COLEC12: variants seen among roughly 807,000 people sequenced by gnomAD.
The protein encoded by COLEC12 is collectin-12.
COLEC12 carries 33 observed loss-of-function variants against 71.1 expected under a neutral mutation model. The observed-to-expected ratio is 0.46, with a 90% confidence interval of 0.35 to 0.62. The LOEUF is 0.62. Among genes scored for constraint, COLEC12 ranks in the 20% least tolerant of loss-of-function variants. COLEC12 has a pLI of 0.00. For missense variants in COLEC12, 765 were observed against 916.1 expected (o/e 0.84, Z 2.13); for synonymous variants, 350 against 353.0 (o/e 0.99, Z 0.10).
intron 1 of COLEC12, among the ~76,000 whole-genome samples, chr18:487,480 A>T (rs897612521): frequency 6.6e-6 from 1 of 152,236 alleles, no homozygotes; most frequent in African/African-American, 2.4e-5. Context: ...ATGTGAAAAA[A>T]AGAGAAGGAG....
intron 2 of COLEC12, among the ~76,000 whole-genome samples, chr18:368,536 T>C (rs1370666522): frequency 1.3e-5 from 2 of 151,608 alleles, no homozygotes; most frequent in East Asian, 2.0e-4. Context: ...ATCCCACCAG[T>C]ACTCTCCAGC....
intron 2 of COLEC12, among the ~76,000 whole-genome samples, chr18:479,211 G>A (rs995476939): frequency 6.6e-6 from 1 of 152,152 alleles, no homozygotes; most frequent in Non-Finnish European, 1.5e-5. Flanking sequence ...TCCCCCCCGG[G>A]AAAGAACACA....
chr18:472,701 A>AAAAAAAAAG (rs1555622344), intron 2 of COLEC12, among the ~76,000 whole-genome samples: 1 of 144,184 alleles, frequency 6.9e-6, no homozygotes, highest in Non-Finnish European at 1.5e-5. Context: ...AAAAAAAAAA[A>AAAAAAAAAG]AAGAAGAAGA....
chr18:330,212 T>C (rs1270263550), intron 8 of COLEC12, among the ~76,000 whole-genome samples: 1 of 152,168 alleles, frequency 6.6e-6, no homozygotes, highest in East Asian at 1.9e-4. Context: ...CACACGCACA[T>C]AGGGACATTT....
chr18:378,660 C>T (rs1915165679), intron 2 of COLEC12, among the ~76,000 whole-genome samples: 1 of 152,160 alleles, frequency 6.6e-6, no homozygotes, highest in Non-Finnish European at 1.5e-5. Context: ...TTACCCATAG[C>T]CTATTGTGCT....
At chr18:487,300 T>G (rs548629698) in intron 1 of COLEC12, among the ~76,000 whole-genome samples, 1 of 152,270 alleles carries the variant, frequency 6.6e-6, no homozygotes, top group African/African-American at 2.4e-5. Context: ...CAATTAATGT[T>G]TGCCTAGGGC....
intron 2 of COLEC12, among the ~76,000 whole-genome samples, chr18:430,809 T>C (rs981839803): frequency 6.6e-6 from 1 of 152,160 alleles, no homozygotes; most frequent in African/African-American, 2.4e-5. Flanking sequence ...AAAATAAATA[T>C]AGTAATAAAA....
intron 2 of COLEC12, among the ~76,000 whole-genome samples, chr18:414,924 A>G (rs547460790): frequency 6.6e-6 from 1 of 152,358 alleles, no homozygotes; most frequent in Non-Finnish European, 1.5e-5. Context: ...AATCACCTGC[A>G]AAGCAAGGAA....
At position 443,201 on chromosome 18, in the gene COLEC12, A is replaced by G. The variant is rs139349067; in HGVS notation, c.58+37506T>C. ...AATTGCTTTGTAAGCTCTTAAAAAC[A>G]CATACCTTTCTGATTTTCCCACAGT... is the stretch of plus-strand genomic sequence containing the variant. On this transcript the variant is annotated intron_variant, in intron 2 of 9. Transcript: ENST00000400256. 6.9e-3 allele frequency among the ~76,000 whole-genome samples: 1,048 copies of G among 152,354 alleles called. 10 individuals are homozygous for G. The highest frequency in any genetic ancestry group is 0.024 in the African/African-American group (983 of 41,582).
intron 1 of COLEC12, among the ~76,000 whole-genome samples, chr18:481,064 T>G (rs141192909): frequency 6.6e-6 from 1 of 152,304 alleles, no homozygotes; most frequent in African/African-American, 2.4e-5. Context: ...AATTCAATGT[T>G]TCTCTCTGAT....
chr18:369,136 C>A (rs1286615758), intron 2 of COLEC12, among the ~76,000 whole-genome samples: 12 of 152,204 alleles, frequency 7.9e-5, no homozygotes, highest in African/African-American at 2.9e-4. Flanking sequence ...CATTTGCCAG[C>A]ATTCCACTCA....
chr18:442,002 T>TCTACACAC (rs1221111408), intron 2 of COLEC12, among the ~76,000 whole-genome samples: 1 of 120,744 alleles, frequency 8.3e-6, no homozygotes, highest in Non-Finnish European at 1.6e-5. Flanking sequence ...TCTCTCTCTC[T>TCTACACAC]ACACACACAC....
At chr18:422,964 A>G (rs1232962899) in intron 2 of COLEC12, among the ~76,000 whole-genome samples, 1 of 152,224 alleles carries the variant, frequency 6.6e-6, no homozygotes, top group Non-Finnish European at 1.5e-5. Flanking sequence ...TTTCCCACTC[A>G]TTTGTTCAAA....
At chr18:422,473 G>A (rs1916117114) in intron 2 of COLEC12, among the ~76,000 whole-genome samples, 1 of 152,014 alleles carries the variant, frequency 6.6e-6, no homozygotes, top group Admixed American at 6.6e-5. Flanking sequence ...TGTTTATTAA[G>A]TGCCAGGCCA....
intron 1 of COLEC12, among the ~76,000 whole-genome samples, chr18:492,734 T>C (rs932359263): frequency 1.3e-5 from 2 of 152,120 alleles, no homozygotes; most frequent in Non-Finnish European, 2.9e-5. Context: ...ATAACACCGA[T>C]ACGTCTTTTT....
At chr18:395,646 A>G (rs115274594) in intron 2 of COLEC12, among the ~76,000 whole-genome samples, 2,528 of 152,348 alleles carry the variant, frequency 0.017, 69 homozygotes, top group African/African-American at 0.058. Flanking sequence ...GATTAGAGTC[A>G]GCCGACAAAT....
At chr18:321,464 T>C (rs929111998) in intron 9 of COLEC12, among the ~76,000 whole-genome samples, 198 bp downstream of exon 9, 2 of 152,258 alleles carry the variant, frequency 1.3e-5, no homozygotes, top group African/African-American at 4.8e-5. Flanking sequence ...TATTAACTTA[T>C]TTAAATCTTC....
chr18:437,649 T>C (rs112186343), intron 2 of COLEC12, among the ~76,000 whole-genome samples: 13 of 152,218 alleles, frequency 8.5e-5, no homozygotes, highest in African/African-American at 3.1e-4. Context: ...TAAAAAGTTT[T>C]ATTCTGATTT....
Position 346,070 on chromosome 18 carries a change from A to G in COLEC12, c.1327+225T>C, listed in dbSNP as rs560135178. On this transcript the variant is annotated intron_variant, in intron 5 of 9. Transcript: ENST00000400256. This position sits in a 1 kb window ranked among gnomAD's most constrained non-coding sequence, Gnocchi z 4.0. ...AGGCCACTTAAGTAGCAGACCCTCC[A>G]GCCACAGTCAAGCCTTCAGATGACT... Among the ~76,000 whole-genome samples, 19 of 152,366 alleles carry G rather than the reference A, an allele frequency of 1.2e-4. 1 individual carries two copies. In the South Asian group the frequency reaches 3.9e-3, roughly 32 times the overall value.
Sources: allele counts gnomAD v4.1 joint callset (sites outside exome capture counted in the v4.1 genomes callset), GRCh38; gene constraint gnomAD v4.1.1; non-coding constraint Gnocchi (gnomAD v3.1); transcripts MANE v1.5; gene names NCBI Gene and HGNC (gene_info 2026-07-23, HGNC 2026-07-21).